FMN1: variants seen among roughly 807,000 people sequenced by gnomAD.
FMN1 encodes formin 1, also known as formin-1.
In FMN1, 110 loss-of-function variants were observed where a neutral mutation model predicts 132.4. The ratio of observed to expected loss-of-function variants is 0.83; its 90% CI spans 0.71 to 0.97. The LOEUF (loss-of-function observed/expected upper bound fraction) is 0.97, where lower values mean the gene tolerates loss of function less well. Ranked by LOEUF, FMN1 falls within the 50% of genes least tolerant of loss-of-function variation. FMN1 has a pLI of 0.00. For missense variants in FMN1, 1,792 were observed against 1,705.3 expected (o/e 1.05, Z -0.90); for synonymous variants, 722 against 651.7 (o/e 1.11, Z -1.64).
At chr15:33,172,448 G>A (rs1361065532) in intron 3 of FMN1, among the ~76,000 whole-genome samples, 1 of 152,176 alleles carries the variant, frequency 6.6e-6, no homozygotes, top group African/African-American at 2.4e-5. Context: ...CCACACATGC[G>A]GTGAGAGTGT....
intron 6 of FMN1, among the ~76,000 whole-genome samples, chr15:33,054,440 G>GT: frequency 6.6e-6 from 1 of 152,006 alleles, no homozygotes; most frequent in Non-Finnish European, 1.5e-5. Flanking sequence ...TTTTACATGG[G>GT]TTTGGATCAA....
At chr15:32,778,136 T>C (rs1170662457) in intron 19 of FMN1, among the ~76,000 whole-genome samples, 1 of 110,750 alleles carries the variant, frequency 9.0e-6, no homozygotes, top group African/African-American at 4.1e-5. Context: ...TTATATATTA[T>C]GTATAATATA....
chr15:33,003,541 A>T (rs1219501717), intron 7 of FMN1, among the ~76,000 whole-genome samples: 1 of 152,226 alleles, frequency 6.6e-6, no homozygotes, highest in Non-Finnish European at 1.5e-5. Flanking sequence ...TCAATGAAAT[A>T]AAAGAGGATA....
chr15:32,937,281 A>T (rs2061298340), intron 9 of FMN1, among the ~76,000 whole-genome samples: 1 of 152,214 alleles, frequency 6.6e-6, no homozygotes, highest in Admixed American at 6.5e-5. Context: ...ATTAGACATA[A>T]GATCCAGTCT....
intron 4 of FMN1, chr15:33,106,296 GCA>G (rs2039483670): frequency 7.0e-6 from 1 of 141,928 alleles, no homozygotes; most frequent in East Asian, 2.1e-4. Flanking sequence ...ACACACACAC[GCA>G]CGCACACACA....
intron 7 of FMN1, among the ~76,000 whole-genome samples, chr15:32,981,737 A>G (rs537411294): frequency 1.3e-5 from 2 of 152,104 alleles, no homozygotes; most frequent in East Asian, 3.9e-4. Context: ...ACAGGACAGC[A>G]AAAGCATGAT....
At chr15:33,110,646 CTTTT>C (rs774801972) in intron 4 of FMN1, among the ~76,000 whole-genome samples, 1 of 151,220 alleles carries the variant, frequency 6.6e-6, no homozygotes, top group Non-Finnish European at 1.5e-5. Flanking sequence ...GCTTCTTTTT[CTTTT>C]TAATATTTGA....
chr15:32,774,411 T>C (rs971650852), intron 20 of FMN1, 57 bp from the exon 21 acceptor site: 1 of 1,459,902 alleles, frequency 6.8e-7, no homozygotes, highest in Non-Finnish European at 9.3e-7. Context: ...CAAGTTTTGA[T>C]ACATTTCTCA....
At chr15:32,785,137 T>G (rs5024435) in intron 19 of FMN1, among the ~76,000 whole-genome samples, 48,360 of 130,098 alleles carry the variant, frequency 0.37, 9,600 homozygotes, top group East Asian at 0.71. Flanking sequence ...ATGCTAGGGG[T>G]GTGTGTGTGT....
chr15:32,906,004 T>C (rs554237409), intron 12 of FMN1, among the ~76,000 whole-genome samples: 3 of 152,310 alleles, frequency 2.0e-5, no homozygotes, highest in Non-Finnish European at 4.4e-5. Context: ...GCCATTACAA[T>C]GACCATTTAT....
intron 10 of FMN1, among the ~76,000 whole-genome samples, chr15:32,925,671 A>G (rs1482832980): frequency 6.6e-6 from 1 of 152,236 alleles, no homozygotes; most frequent in Admixed American, 6.5e-5. Flanking sequence ...TATACAAACA[A>G]CAGGGACATT....
chr15:33,185,626 G>A (rs1002388631), intron 2 of FMN1, among the ~76,000 whole-genome samples: 1 of 136,898 alleles, frequency 7.3e-6, no homozygotes, highest in African/African-American at 3.0e-5. Context: ...AGGCTGGAGT[G>A]CAGTGGCATG....
Position 32,908,233 on chromosome 15 carries a change from C to T in FMN1, c.3377+257G>A, listed in dbSNP as rs532253482. ...AATTGTTTAGTCTAGGAGGAATTAA[C>T]AAGTTGCTAGAAAAAGAAAGGGGAG... On this transcript the variant is annotated intron_variant, in intron 12 of 20. Transcript: ENST00000616417. 267 of 371,930 alleles carry T rather than the reference C, an allele frequency of 7.2e-4. 3 individuals are homozygous for T. In the Middle Eastern group the frequency reaches 0.018, roughly 25 times the overall value. 23.0% of individuals were successfully genotyped at this position (371,930 alleles called of 1,614,324 possible). A position where few individuals can be genotyped will look rare whatever the true frequency, so the allele number is the denominator to read the frequency against.
intron 6 of FMN1, among the ~76,000 whole-genome samples, chr15:33,053,131 G>T (rs2037055729): frequency 6.6e-6 from 1 of 152,172 alleles, no homozygotes; most frequent in South Asian, 2.1e-4. Context: ...GGGACCCACT[G>T]AGTGCAGGTA....
intron 5 of FMN1, among the ~76,000 whole-genome samples, chr15:33,072,315 T>C (rs552451603): frequency 2.0e-4 from 30 of 152,310 alleles, no homozygotes; most frequent in African/African-American, 7.0e-4. Flanking sequence ...TTTTCAACTT[T>C]TCCTGTAAGT....
intron 10 of FMN1, among the ~76,000 whole-genome samples, chr15:32,912,902 T>C (rs951865844): frequency 3.9e-5 from 6 of 152,226 alleles, no homozygotes; most frequent in South Asian, 2.1e-4. Context: ...GCATAGCACG[T>C]AGAACATGGT....
At chr15:33,092,890 G>C (rs900485188) in intron 4 of FMN1, among the ~76,000 whole-genome samples, 3 of 152,132 alleles carry the variant, frequency 2.0e-5, no homozygotes, top group African/African-American at 7.2e-5. Flanking sequence ...GCAAGGATCT[G>C]AAAAATCAAG....
chr15:33,102,466 AC>A (rs970343400), intron 4 of FMN1, among the ~76,000 whole-genome samples: 1 of 152,062 alleles, frequency 6.6e-6, no homozygotes, highest in African/African-American at 2.4e-5. Flanking sequence ...TAGAAGGTGA[AC>A]CCAGTCTTAA....
In FMN1 at chr15:33,153,788, G is replaced by C; in HGVS notation, c.1127C>G (p.Ala376Gly). 6.5e-7 allele frequency: 1 copy of C among 1,536,356 alleles called. No homozygotes were observed. ...CCTGGAGCCATGAGCCCCAGCCTCA[G>C]CTCCCGGGAGGGTGAGCAAGTCGGC... ...PKADLLTLPG[A>G]EAGAHGSRRQ... The change falls in exon 4 of 21, where the codon GCT becomes GGT. Residue 376 changes from alanine to glycine, a missense_variant. By Grantham distance (60) the Ala-to-Gly change is moderately conservative. Transcript: ENST00000616417.
Sources: allele counts gnomAD v4.1 joint callset (sites outside exome capture counted in the v4.1 genomes callset), GRCh38; gene constraint gnomAD v4.1.1; transcripts MANE v1.5; gene names NCBI Gene and HGNC (gene_info 2026-07-23, HGNC 2026-07-21).